The following ABCB8 variants were observed in gnomAD, a reference collection of about 807,000 sequenced individuals.
ABCB8 encodes the protein mitochondrial potassium channel ATP-binding subunit.
ABCB8 carries 52 observed loss-of-function variants against 73.0 expected under a neutral mutation model. That is an observed-to-expected ratio of 0.71 (90% CI 0.57 to 0.90). The LOEUF is 0.90. Ranked by LOEUF, ABCB8 falls within the 40% of genes least tolerant of loss-of-function variation. ABCB8 has a pLI of 0.00. For missense variants in ABCB8, 909 were observed against 974.6 expected, an observed-to-expected ratio of 0.93 and a Z score of 0.90; for synonymous variants, 428 against 423.5, an observed-to-expected ratio of 1.01 and a Z score of -0.13.
chr7:151,041,906 C>T (rs1796476735), intron 13 of ABCB8, 55 bp from the exon 14 acceptor site: 1 of 1,593,438 alleles, frequency 6.3e-7, no homozygotes, highest in African/African-American at 1.3e-5. Context: ...CCTCCAGTTT[C>T]TGGGGCAAAG....
chr7:151,034,833 A>AG lies in ABCB8; in HGVS notation c.765+5dup. On this transcript the variant is annotated splice_donor_region_variant and intron_variant, in intron 5 of 15. Coordinates refer to ENST00000358849, the MANE Select transcript of ABCB8 (RefSeq NM_007188.5). The stretch of plus-strand genomic sequence containing the variant: ...CTTCAAGCTTGTCATCTCCCAGGTC[A>AG]GTGGCCCAGTGGCCCCCACCACGTC... 6.2e-7 allele frequency: 1 copy of AG among 1,607,776 alleles called. No homozygotes were observed. Among genetic ancestry groups the AG allele is most frequent in the Non-Finnish European group, 8.5e-7 (1 of 1,175,408 alleles).
Position 151,047,370 on chromosome 7 carries a change from G to A in ABCB8, c.*2021G>A, listed in dbSNP as rs1796640722. On this transcript the variant is annotated 3_prime_UTR_variant, in exon 16 of 16. Coordinates refer to ENST00000358849, the MANE Select transcript of ABCB8 (RefSeq NM_007188.5). Reference sequence around the variant, plus strand: ...GATGCTGAATGCCTGTTTTGAGAGTGTGAGTGGGATCATCTACAGTAAATA... The same window carrying A: ...GATGCTGAATGCCTGTTTTGAGAGTATGAGTGGGATCATCTACAGTAAATA... 6.6e-6 allele frequency: 1 copy of A among 152,272 alleles called. No individual in the cohort carries two copies. The highest frequency in any genetic ancestry group is 2.4e-5 in the African/African-American group (1 of 41,452). The allele number at this position is 152,272 out of a possible 1,614,324, so 9.4% of individuals were successfully genotyped here.
rs150619592 is a variant in ABCB8, at chr7:151,044,147, G to A, written c.1942G>A (p.Val648Ile). The A allele has an allele frequency of 1.9e-6, 3 of 1,613,974 alleles. No individual in the cohort carries two copies. Among genetic ancestry groups the A allele is most frequent in the South Asian group, 1.1e-5 (1 of 91,090 alleles). The change falls in exon 15 of 16, where the codon GTA becomes ATA. Residue 648 changes from valine to isoleucine, a missense_variant. Transcript: ENST00000358849. ...GGCCAGTGCAGGCCGCACGGTGCTG[G>A]TAATTGCCCACCGGCTCAGCACTGT... ...DRASAGRTVLVIAHRLSTVRG... is the reference protein window; with the variant it reads ...DRASAGRTVLIIAHRLSTVRG...
At chr7:151,040,110 A>G (rs1796414038) in intron 9 of ABCB8, 158 bp from the exon 10 acceptor site, 4 of 764,500 alleles carry the variant, frequency 5.2e-6, no homozygotes, top group Non-Finnish European at 8.3e-6. Flanking sequence ...TGGTGTTGCT[A>G]CGTCCCAGGG....
intron 9 of ABCB8, chr7:151,037,220 C>A (rs1165806330): frequency 1.4e-6 from 1 of 703,018 alleles, no homozygotes; most frequent in Non-Finnish European, 2.6e-6. Flanking sequence ...TGCGTTTTGT[C>A]ACTCCACATT....
chr7:151,028,812 G>A lies in ABCB8; in HGVS notation c.95+202G>A, dbSNP rs780777657. 34 of 1,554,926 alleles carry A rather than the reference G, an allele frequency of 2.2e-5. No homozygotes were observed. In the East Asian group the frequency reaches 5.6e-4, roughly 26 times the overall value. On this transcript the variant is annotated intron_variant, in intron 1 of 15. Transcript: ENST00000358849. ...CCAGTCGCCAGCAGGAGGCTCCTGC[G>A]TCTGCAGCCGCGTGTCAGCCAGAAG... is the stretch of plus-strand genomic sequence containing the variant.
In ABCB8 at chr7:151,045,296, GC is replaced by G; in HGVS notation, c.2108del (p.Pro703HisfsTer44). On this transcript the variant is annotated frameshift_variant, in exon 16 of 16. Coordinates refer to ENST00000358849, the MANE Select transcript of ABCB8 (RefSeq NM_007188.5). LOFTEE classifies it low-confidence loss of function (END_TRUNC). Reference sequence around the variant, plus strand: ...GGCCCTGGATGCCCCGAGGACAGCGGCCCCACCGCCCAAAAAGCCAGAAGGC... The same window carrying G: ...GGCCCTGGATGCCCCGAGGACAGCGGCCCACCGCCCAAAAAGCCAGAAGGC... The part of the protein sequence containing the change: ...RQALDAPRTA[A>X]PPPKKPEGPR... The G allele has an allele frequency of 6.2e-7, 1 of 1,600,896 alleles. No homozygotes were observed. The highest frequency in any genetic ancestry group is 8.5e-7 in the Non-Finnish European group (1 of 1,173,552).
At chr7:151,032,850 A>C (rs1200578420) in intron 1 of ABCB8, 4 of 357,008 alleles carry the variant, frequency 1.1e-5, no homozygotes, top group Non-Finnish European at 2.3e-5. Context: ...TCAGCTGTGG[A>C]GAGGGAGTGT....
chr7:151,042,555 G>A (rs891969219), intron 14 of ABCB8, among the ~76,000 whole-genome samples: 3 of 152,184 alleles, frequency 2.0e-5, no homozygotes, highest in Non-Finnish European at 2.9e-5. Flanking sequence ...CTCTAAAGTC[G>A]TTTCTCATTA....
In ABCB8 at chr7:151,036,120, TG is replaced by T. The variant is rs1269536061; in HGVS notation, c.1064del (p.Gly355AlafsTer35). On this transcript the variant is annotated frameshift_variant, in exon 8 of 16. Transcript: ENST00000358849. LOFTEE classifies it high-confidence loss of function. ...LEACRCRAEE[L>X]GRGIALFQGL... ...GCCTGCCGCTGCCGGGCAGAGGAGC[TG>T]GGCCGCGGCATCGCCTTGTTCCAAG... is the stretch of plus-strand genomic sequence containing the variant. 2 of 1,613,486 alleles carry T rather than the reference TG, an allele frequency of 1.2e-6. No homozygotes were observed.
intron 9 of ABCB8, chr7:151,037,058 T>G (rs1796330084): frequency 1.4e-6 from 1 of 691,864 alleles, no homozygotes; most frequent in Non-Finnish European, 2.6e-6. Context: ...TCCAGAACTC[T>G]TACCTGGCAG....
At position 151,032,693 on chromosome 7, in the gene ABCB8, C is replaced by CA. The variant is rs372624691; in HGVS notation, c.96-898dup. On this transcript the variant is annotated intron_variant, in intron 1 of 15. Coordinates refer to ENST00000358849, the MANE Select transcript of ABCB8 (RefSeq NM_007188.5). Reference sequence around the variant, plus strand: ...GGGGTGACGGAGCGAGACTCTGTCTCAAAAAAAAAAAAAACACAATGTCTA... The same window carrying CA: ...GGGGTGACGGAGCGAGACTCTGTCTCAAAAAAAAAAAAAAACACAATGTCTA... Among the ~76,000 whole-genome samples, 606 of 94,314 alleles carry CA rather than the reference C, an allele frequency of 6.4e-3. 1 individual carries two copies. Among genetic ancestry groups the CA allele is most frequent in the Non-Finnish European group, 7.6e-3 (330 of 43,254 alleles). The allele number at this position is 94,314 out of a possible 152,430, so 61.9% of individuals were successfully genotyped here.
At chr7:151,031,275 C>G in intron 1 of ABCB8, 1 of 1,555,418 alleles carries the variant, frequency 6.4e-7, no homozygotes. Context: ...TGGACAGTTA[C>G]ACAAGGCAGA....
chr7:151,028,849 C>A, intron 1 of ABCB8: 2 of 1,545,638 alleles, frequency 1.3e-6, no homozygotes, highest in East Asian at 2.4e-5. Context: ...AGGGGACGCT[C>A]GGGGTCAGTG....
intron 13 of ABCB8, 100 bp from the exon 14 acceptor site, chr7:151,041,861 C>G: frequency 3.6e-6 from 5 of 1,389,308 alleles, no homozygotes; most frequent in Non-Finnish European, 4.9e-6. Context: ...CTAATCTAAT[C>G]CACCAGATAG....
chr7:151,033,196 T>C (rs1351438189), intron 1 of ABCB8: 3 of 433,520 alleles, frequency 6.9e-6, no homozygotes, highest in Non-Finnish European at 1.4e-5. Context: ...AGCAGCTCTC[T>C]TTCCTCACCT....
chr7:151,042,209 A>G (rs1415037212), intron 14 of ABCB8, 101 bp downstream of exon 14: 2 of 1,508,206 alleles, frequency 1.3e-6, no homozygotes, highest in Non-Finnish European at 1.8e-6. Flanking sequence ...CAGCAGGGAC[A>G]GCTGGGGAGA....
rs532157238 is a variant in ABCB8 at position 151,033,167 on chromosome 7, G to A, written c.96-438G>A. 7 of 450,842 alleles carry A rather than the reference G, an allele frequency of 1.6e-5. No homozygotes were observed. In the East Asian group the frequency reaches 3.5e-4, roughly 22 times the overall value. The allele number at this position is 450,842 out of a possible 1,614,324, so 27.9% of individuals were successfully genotyped here. A position where few individuals can be genotyped will look rare whatever the true frequency, so the allele number is the denominator to read the frequency against. Reference sequence around the variant, plus strand: ...CTGCCCTGGTGGCTGCTGTGAGCAAGTCCAGTGCCGGGCACAGGAGCAGCT... The same window carrying A: ...CTGCCCTGGTGGCTGCTGTGAGCAAATCCAGTGCCGGGCACAGGAGCAGCT... On this transcript the variant is annotated intron_variant, in intron 1 of 15. Transcript: ENST00000358849.
intron 1 of ABCB8, among the ~76,000 whole-genome samples, chr7:151,030,521 A>ATAAATAAATAAG (rs1278384256): frequency 2.8e-5 from 4 of 145,438 alleles, no homozygotes; most frequent in Admixed American, 2.1e-4. Context: ...AAATAAATAA[A>ATAAATAAATAAG]TAAAAGTAAA....
Sources: gnomAD v4.1 joint callset for allele counts (sites outside exome capture counted in the v4.1 genomes callset) on GRCh38, gnomAD v4.1.1 for gene constraint, MANE v1.5 for transcripts, NCBI Gene and HGNC (gene_info 2026-07-23, HGNC 2026-07-21) for gene names.